UBE3D: variants seen among roughly 807,000 people sequenced by gnomAD.
UBE3D encodes E3 ubiquitin-protein ligase E3D.
In UBE3D, 48 loss-of-function variants were observed where a neutral mutation model predicts 49.6. That is an observed-to-expected ratio of 0.97 (90% CI 0.77 to 1.23). The LOEUF is 1.23. UBE3D is among the 50% of genes most tolerant of loss of function. The pLI is 0.00. For synonymous variants in UBE3D, 189 were observed against 174.2 expected (o/e 1.08, Z -0.67); for missense variants, 452 against 468.4 (o/e 0.96, Z 0.32).
chr6:83,049,417 C>T (rs915748659), intron 3 of UBE3D, among the ~76,000 whole-genome samples: 3 of 152,172 alleles, frequency 2.0e-5, no homozygotes, highest in African/African-American at 4.8e-5. Context: ...AATATTATTA[C>T]GTACATAGTA....
intron 8 of UBE3D, among the ~76,000 whole-genome samples, chr6:82,978,068 G>A (rs1468509203): frequency 6.7e-6 from 1 of 149,952 alleles, no homozygotes; most frequent in Non-Finnish European, 1.5e-5. Context: ...ATCTCGGTGG[G>A]AAAGGGCATA....
At position 83,055,477 on chromosome 6, in the gene UBE3D, G is replaced by T. The variant is rs139014607; in HGVS notation, c.275-1239C>A. On this transcript the variant is annotated intron_variant, in intron 2 of 9. Coordinates refer to ENST00000369747, the MANE Select transcript of UBE3D (RefSeq NM_198920.3). The stretch of plus-strand genomic sequence containing the variant: ...ATAAACAGTATTATTCTTTAACTTT[G>T]AGCAGATTAAAAGGAGACCTAGGAA... Among the ~76,000 whole-genome samples, 96 of 152,260 alleles carry T rather than the reference G, an allele frequency of 6.3e-4. No homozygotes were observed. In the East Asian group the frequency reaches 8.9e-3, roughly 14 times the overall value.
At chr6:83,032,621 G>A (rs1470201977) in intron 5 of UBE3D, among the ~76,000 whole-genome samples, 1 of 152,214 alleles carries the variant, frequency 6.6e-6, no homozygotes, top group Admixed American at 6.5e-5. Context: ...GTTTTGAAAT[G>A]TGAGGACATG....
intron 4 of UBE3D, among the ~76,000 whole-genome samples, chr6:83,039,381 CTGAT>C (rs1367798052): frequency 6.6e-6 from 1 of 152,192 alleles, no homozygotes; most frequent in Non-Finnish European, 1.5e-5. Flanking sequence ...AAAATTTTAA[CTGAT>C]TAATATACAT....
chr6:82,892,991 G>A lies in UBE3D; in HGVS notation c.*31C>T. On this transcript the variant is annotated 3_prime_UTR_variant, in exon 10 of 10. Transcript: ENST00000369747. Reference sequence around the variant, plus strand: ...GTGTGCTCCTGCTTGAGAGCTGTCTGCCGGGGGAGGAGAATGCCCAGCTCT... The same window carrying A: ...GTGTGCTCCTGCTTGAGAGCTGTCTACCGGGGGAGGAGAATGCCCAGCTCT... 1 of 1,613,552 alleles carries A rather than the reference G, an allele frequency of 6.2e-7. No homozygotes were observed.
At chr6:83,038,359 A>T in intron 5 of UBE3D, 57 bp downstream of exon 5, 1 of 1,341,684 alleles carries the variant, frequency 7.5e-7, no homozygotes. Flanking sequence ...ATAAAATATC[A>T]TTCTGGCTTT....
At chr6:82,941,135 G>A (rs1000430587) in intron 9 of UBE3D, among the ~76,000 whole-genome samples, 8 of 152,066 alleles carry the variant, frequency 5.3e-5, no homozygotes, top group Non-Finnish European at 1.0e-4. Flanking sequence ...GAACCCAAGA[G>A]GCGGAGGTTG....
At chr6:82,939,759 TGTTTCTCA>T (rs1176500129) in intron 9 of UBE3D, among the ~76,000 whole-genome samples, 57 of 152,220 alleles carry the variant, frequency 3.7e-4, no homozygotes, top group Admixed American at 3.7e-3. Context: ...CCTCATGACA[TGTTTCTCA>T]GAATGTATCT....
chr6:82,951,027 C>G (rs180999892), intron 9 of UBE3D, among the ~76,000 whole-genome samples: 1 of 151,536 alleles, frequency 6.6e-6, no homozygotes, highest in East Asian at 1.9e-4. Context: ...AGAATAAGAT[C>G]TAATATTTGC....
intron 8 of UBE3D, among the ~76,000 whole-genome samples, chr6:82,990,938 A>G (rs1251628026): frequency 6.7e-6 from 1 of 148,530 alleles, no homozygotes; most frequent in Non-Finnish European, 1.5e-5. Context: ...ATTGAGAACC[A>G]TTTCAGATAC....
intron 5 of UBE3D, among the ~76,000 whole-genome samples, chr6:83,031,312 C>G (rs373780983): frequency 6.6e-6 from 1 of 152,102 alleles, no homozygotes; most frequent in Non-Finnish European, 1.5e-5. Context: ...CCCAGCCTGG[C>G]GGAAGAAATT....
At chr6:82,932,221 G>A (rs1452742631) in intron 9 of UBE3D, among the ~76,000 whole-genome samples, 2 of 152,106 alleles carry the variant, frequency 1.3e-5, no homozygotes, top group African/African-American at 4.8e-5. Context: ...CATGAGAACA[G>A]ACTAATACAT....
chr6:83,020,051 C>T (rs1392655887), intron 7 of UBE3D, among the ~76,000 whole-genome samples: 1 of 152,142 alleles, frequency 6.6e-6, no homozygotes, highest in African/African-American at 2.4e-5. Flanking sequence ...CTGGGTGGCA[C>T]ACCAAGAATG....
In UBE3D at chr6:82,953,667, C is replaced by T. The variant is rs933483486; in HGVS notation, c.1149+3645G>A. On this transcript the variant is annotated intron_variant, in intron 9 of 9. Transcript: ENST00000369747. ...TCCAATATTTATTAACTTCTTCCTA[C>T]ATCCAGGCACTATACTAAGTTCTGT... Among the ~76,000 whole-genome samples, 5 of 152,354 alleles carry T rather than the reference C, an allele frequency of 3.3e-5. 1 individual carries two copies. Among genetic ancestry groups the T allele is most frequent in the Admixed American group, 6.5e-5 (1 of 15,304 alleles).
At chr6:82,959,717 CAAAAAAAAAAAAAAAAA>C (rs778278435) in intron 8 of UBE3D, among the ~76,000 whole-genome samples, 10 of 37,718 alleles carry the variant, frequency 2.7e-4, no homozygotes, top group African/African-American at 9.9e-4. Flanking sequence ...GTGAGACCTC[CAAAAAAAAAAAAAAAAA>C]AAAAAAAAAA....
At chr6:83,029,843 G>T (rs537197200) in intron 5 of UBE3D, among the ~76,000 whole-genome samples, 2 of 151,900 alleles carry the variant, frequency 1.3e-5, no homozygotes, top group Admixed American at 1.3e-4. Flanking sequence ...TTTTAGTCTG[G>T]CTCCCTAGCA....
At chr6:82,885,394 G>T in the UBE3D span, among the ~76,000 whole-genome samples, 1 of 152,138 alleles carries the variant, frequency 6.6e-6, no homozygotes, top group Non-Finnish European at 1.5e-5. Flanking sequence ...TGGCAGACCA[G>T]CAAATTCATA....
At chr6:83,024,867 T>C (rs1781347780) in intron 5 of UBE3D, among the ~76,000 whole-genome samples, 1 of 152,186 alleles carries the variant, frequency 6.6e-6, no homozygotes, top group Admixed American at 6.5e-5. Context: ...GCATCGTTTT[T>C]CGTTGAGGGC....
intron 9 of UBE3D, among the ~76,000 whole-genome samples, chr6:82,945,406 G>T (rs958990665): frequency 1.3e-5 from 2 of 152,176 alleles, no homozygotes; most frequent in Non-Finnish European, 2.9e-5. Flanking sequence ...AGACCATCAT[G>T]CCAGTATGAG....
Sources: gnomAD v4.1 joint callset for allele counts (sites outside exome capture counted in the v4.1 genomes callset) on GRCh38, gnomAD v4.1.1 for gene constraint, MANE v1.5 for transcripts, NCBI Gene and HGNC (gene_info 2026-07-23, HGNC 2026-07-21) for gene names.